The following TRERF1 variants were observed in gnomAD, a reference collection of about 807,000 sequenced individuals.
TRERF1 encodes transcriptional regulating factor 1, also known as transcriptional-regulating factor 1.
In TRERF1, 27 loss-of-function variants were observed where a neutral mutation model predicts 122.9. The ratio of observed to expected loss-of-function variants is 0.22; its 90% CI spans 0.16 to 0.30. TRERF1 has a LOEUF of 0.30. TRERF1 is among the 10% of genes least tolerant of loss of function. The pLI is 1.00. For synonymous variants in TRERF1, 636 were observed against 641.7 expected (o/e 0.99, Z 0.13); for missense variants, 1,248 against 1,560.3 (o/e 0.80, Z 3.37).
intron 2 of TRERF1, among the ~76,000 whole-genome samples, chr6:42,365,527 GATTCATT>G (rs1299813631): frequency 6.6e-6 from 1 of 152,136 alleles, no homozygotes; most frequent in East Asian, 1.9e-4. Flanking sequence ...CGCATGAGAA[GATTCATT>G]ATTCCTTGAG....
chr6:42,365,082 G>T (rs1772483429), intron 2 of TRERF1, among the ~76,000 whole-genome samples: 2 of 152,178 alleles, frequency 1.3e-5, no homozygotes, highest in African/African-American at 4.8e-5. Flanking sequence ...AGTGAACACA[G>T]AAGCCAGGTT....
intron 2 of TRERF1, among the ~76,000 whole-genome samples, chr6:42,450,538 G>A (rs967682576): frequency 3.3e-5 from 5 of 152,238 alleles, no homozygotes; most frequent in African/African-American, 4.8e-5. Flanking sequence ...ACCAGAAAGC[G>A]TTTTCTTGTA....
chr6:42,424,998 A>G (rs1305971364), intron 2 of TRERF1, among the ~76,000 whole-genome samples: 1 of 152,188 alleles, frequency 6.6e-6, no homozygotes, highest in Non-Finnish European at 1.5e-5. Context: ...CTACTCAGTT[A>G]GTCTTCAAGT....
At chr6:42,240,971 C>A (rs1299728760) in intron 15 of TRERF1, among the ~76,000 whole-genome samples, 1 of 152,168 alleles carries the variant, frequency 6.6e-6, no homozygotes, top group Non-Finnish European at 1.5e-5. Context: ...CTGCTCACTG[C>A]AACCTCCACC....
chr6:42,384,806 T>C (rs1776515624), intron 2 of TRERF1, among the ~76,000 whole-genome samples: 1 of 152,088 alleles, frequency 6.6e-6, no homozygotes, highest in African/African-American at 2.4e-5. Context: ...ATTTTGTCTT[T>C]TGGGTTTTTT....
In TRERF1 at chr6:42,259,288, G is replaced by T; in HGVS notation, c.2269+51C>A. ...AAGCTAAAGAAAACGAGATGTCCCA[G>T]GACTTTACCCAGCACCCAGAGCCCA... On this transcript the variant is annotated intron_variant, in intron 9 of 17. Coordinates refer to ENST00000372922, the Ensembl canonical transcript of TRERF1. The surrounding 1 kb of genome is among the most constrained non-coding windows in gnomAD (Gnocchi z 4.9). The T allele has an allele frequency of 6.8e-7, 1 of 1,473,044 alleles. No individual in the cohort carries two copies. Among genetic ancestry groups the T allele is most frequent in the Non-Finnish European group, 8.9e-7 (1 of 1,120,662 alleles). The allele number at this position is 1,473,044 out of a possible 1,614,324, so 91.2% of individuals were successfully genotyped here. A position where few individuals can be genotyped will look rare whatever the true frequency, so the allele number is the denominator to read the frequency against.
At chr6:42,440,473 T>C (rs768010135) in intron 2 of TRERF1, among the ~76,000 whole-genome samples, 4 of 152,102 alleles carry the variant, frequency 2.6e-5, no homozygotes, top group Non-Finnish European at 5.9e-5. Context: ...GAGAATGAAA[T>C]GACTAAAATA....
chr6:42,436,814 A>AAAATATATATAT (rs61427173), intron 2 of TRERF1, among the ~76,000 whole-genome samples: 5 of 66,682 alleles, frequency 7.5e-5, no homozygotes, highest in East Asian at 1.1e-3. Context: ...AAAAAAAAAA[A>AAAATATATATAT]ATATATATAT....
intron 4 of TRERF1, among the ~76,000 whole-genome samples, chr6:42,284,945 A>G (rs1237179490): frequency 1.3e-5 from 2 of 152,146 alleles, no homozygotes; most frequent in Non-Finnish European, 2.9e-5. Context: ...CACTCTGAAA[A>G]CATTTTCTGA....
rs920722613 is a variant in TRERF1, at chr6:42,259,589, G to A, written c.2019C>T (p.Pro673=). 1.9e-6 allele frequency: 3 copies of A among 1,613,922 alleles called. No individual in the cohort carries two copies. In the South Asian group the frequency reaches 3.3e-5, roughly 18 times the overall value. Reference sequence around the variant, plus strand: ...GGGTGGCGCCCGAGTAGGAGGCAGCGGGGTTCGGGTTGTAGGAGGGCGGCG... The same window carrying A: ...GGGTGGCGCCCGAGTAGGAGGCAGCAGGGTTCGGGTTGTAGGAGGGCGGCG... Residue 673 remains proline (P), a synonymous_variant, in exon 9 of 18, where the codon CCC becomes CCT. Transcript: ENST00000372922. The surrounding 1 kb of genome is among the most constrained non-coding windows in gnomAD (Gnocchi z 4.9).
chr6:42,290,417 C>T (rs1784100246), intron 4 of TRERF1, among the ~76,000 whole-genome samples: 1 of 152,184 alleles, frequency 6.6e-6, no homozygotes, highest in Non-Finnish European at 1.5e-5. Flanking sequence ...CTGCCCCTCG[C>T]CTGTGGCCAG....
chr6:42,346,325 GCAC>G (rs1335555544), intron 3 of TRERF1, among the ~76,000 whole-genome samples: 4 of 152,212 alleles, frequency 2.6e-5, no homozygotes. Flanking sequence ...CACTTACTGA[GCAC>G]CACGTGTGCA....
At chr6:42,247,716 G>A (rs1775053088) in intron 13 of TRERF1, among the ~76,000 whole-genome samples, 2 of 152,148 alleles carry the variant, frequency 1.3e-5, no homozygotes, top group East Asian at 3.8e-4. Flanking sequence ...GCTTGTTTGG[G>A]GCAAGAAATA....
chr6:42,407,486 G>A (rs938212719), intron 2 of TRERF1, among the ~76,000 whole-genome samples: 7 of 152,124 alleles, frequency 4.6e-5, no homozygotes, highest in African/African-American at 1.2e-4. Flanking sequence ...AAACCGGCTC[G>A]ACAAAGAGAA....
chr6:42,406,896 G>A (rs370280167), intron 2 of TRERF1, among the ~76,000 whole-genome samples: 1 of 152,130 alleles, frequency 6.6e-6, no homozygotes, highest in African/African-American at 2.4e-5. Flanking sequence ...ATGCATCCAG[G>A]GGAAACCTTG....
chr6:42,295,479 A>G (rs1784946030), intron 4 of TRERF1, among the ~76,000 whole-genome samples: 1 of 152,196 alleles, frequency 6.6e-6, no homozygotes, highest in African/African-American at 2.4e-5. Flanking sequence ...GAGGGACCAC[A>G]AAGGCCATCT....
chr6:42,263,460 T>C lies in TRERF1; in HGVS notation c.1744A>G (p.Met582Val), dbSNP rs199630327. ...ACAGGGACAGACACGGGCATGACCA[T>C]AGGCGTGAGGCTTTCTGCCTCGGGA... Residue 582 changes from methionine (M) to valine (V), a missense_variant, in exon 8 of 18, where the codon ATG (methionine) becomes GTG (valine). Transcript: ENST00000372922. This position sits in a 1 kb window ranked among gnomAD's most constrained non-coding sequence, Gnocchi z 5.6. 5.0e-6 allele frequency: 8 copies of C among 1,601,266 alleles called. No homozygotes were observed. In the East Asian group the frequency reaches 1.1e-4, roughly 23 times the overall value.
At chr6:42,311,594 C>A (rs1761651619) in intron 3 of TRERF1, among the ~76,000 whole-genome samples, 1 of 151,818 alleles carries the variant, frequency 6.6e-6, no homozygotes, top group Non-Finnish European at 1.5e-5. Flanking sequence ...GAAACCCCGT[C>A]TCTACTAAAA....
chr6:42,236,833 C>A (rs898647368), intron 15 of TRERF1, among the ~76,000 whole-genome samples: 1 of 152,166 alleles, frequency 6.6e-6, no homozygotes, highest in Non-Finnish European at 1.5e-5. Context: ...ACCATGGAAT[C>A]CCCCTTGGAG....
Sources: allele counts gnomAD v4.1 joint callset (sites outside exome capture counted in the v4.1 genomes callset), GRCh38; gene constraint gnomAD v4.1.1; non-coding constraint Gnocchi (gnomAD v3.1); transcripts MANE v1.5; gene names NCBI Gene and HGNC (gene_info 2026-07-23, HGNC 2026-07-21).